AGO3: variants seen among roughly 807,000 people sequenced by gnomAD.
AGO3 encodes argonaute RISC catalytic component 3, also known as protein argonaute-3.
A neutral mutation model predicts 105.5 loss-of-function variants in AGO3; 16 were observed. The observed-to-expected ratio is 0.15, with a 90% CI of 0.10 to 0.23. AGO3 has a LOEUF of 0.23. Ranked by LOEUF, AGO3 falls within the 10% of genes least tolerant of loss-of-function variation. The probability of loss-of-function intolerance (pLI) is 1.00; values close to 1 mark genes in which losing one functional copy is unlikely to be tolerated. For synonymous variants in AGO3, 340 were observed against 367.3 expected (o/e 0.93, Z 0.85); for missense variants, 534 against 1,088.0 (o/e 0.49, Z 7.16).
At chr1:35,987,022 T>C (rs1039267615) in intron 5 of AGO3, among the ~76,000 whole-genome samples, 18 of 137,240 alleles carry the variant, frequency 1.3e-4, no homozygotes, top group African/African-American at 4.7e-4. Flanking sequence ...AAGAAAATGT[T>C]GGGGGTGAGT....
At chr1:35,977,250 A>T (rs970813827) in intron 5 of AGO3, among the ~76,000 whole-genome samples, 1 of 147,238 alleles carries the variant, frequency 6.8e-6, no homozygotes, top group Non-Finnish European at 1.5e-5. Flanking sequence ...ACCCATAAAA[A>T]TTTTTTTTTA....
At chr1:35,980,729 A>C (rs1239315949) in intron 5 of AGO3, among the ~76,000 whole-genome samples, 2 of 152,104 alleles carry the variant, frequency 1.3e-5, no homozygotes, top group African/African-American at 2.4e-5. Context: ...TTTTTCTTAG[A>C]AGGAGTGTGC....
chr1:36,004,771 A>G (rs1380599516), intron 6 of AGO3, among the ~76,000 whole-genome samples: 8 of 152,152 alleles, frequency 5.3e-5, no homozygotes, highest in Admixed American at 1.3e-4. Context: ...TAATACTGTT[A>G]AAAGTAGGAA....
chr1:36,038,252 C>CTTTTTTT (rs781058020), intron 14 of AGO3, among the ~76,000 whole-genome samples: 2 of 112,654 alleles, frequency 1.8e-5, no homozygotes, highest in Non-Finnish European at 1.7e-5. Flanking sequence ...TGGATTTATT[C>CTTTTTTT]TTTTTTTTTT....
At chr1:35,961,007 G>A (rs1336223856) in intron 2 of AGO3, among the ~76,000 whole-genome samples, 5 of 149,702 alleles carry the variant, frequency 3.3e-5, no homozygotes, top group African/African-American at 9.8e-5. Flanking sequence ...GCAGTGGTGC[G>A]ATCTTGGCTC....
chr1:35,954,611 TCTC>T (rs936768156), intron 2 of AGO3, among the ~76,000 whole-genome samples: 3 of 152,250 alleles, frequency 2.0e-5, no homozygotes, highest in African/African-American at 7.2e-5. Flanking sequence ...TTTTGAATCT[TCTC>T]TATGTTTTCA....
At chr1:35,995,642 C>G (rs1648257930) in intron 5 of AGO3, among the ~76,000 whole-genome samples, 1 of 152,104 alleles carries the variant, frequency 6.6e-6, no homozygotes, top group Non-Finnish European at 1.5e-5. Flanking sequence ...ATTTCCAAGA[C>G]AAAATGGGGA....
chr1:35,990,469 C>A (rs535602729), intron 5 of AGO3, among the ~76,000 whole-genome samples: 13 of 152,296 alleles, frequency 8.5e-5, no homozygotes, highest in African/African-American at 2.4e-4. Flanking sequence ...GATTGCACCA[C>A]TGCATTCCAG....
intron 11 of AGO3, among the ~76,000 whole-genome samples, chr1:36,016,583 A>G (rs1640913686): frequency 6.6e-6 from 1 of 151,842 alleles, no homozygotes. Context: ...ATCCCCTTTG[A>G]TCTATCCCCC....
chr1:35,980,763 G>A (rs1647037955), intron 5 of AGO3, among the ~76,000 whole-genome samples: 1 of 152,112 alleles, frequency 6.6e-6, no homozygotes, highest in East Asian at 1.9e-4. Context: ...ATTGCTGAAA[G>A]TATTTCTTCC....
rs770178125 is a variant in AGO3 at position 36,068,724 on chromosome 1, CTTAAT to C, written c.*12983_*12987del. ...ATTAATACTTAACCTGTTCATTTCT[CTTAAT>C]TTATGTATTTATTCTGACTTTATTA... On this transcript the variant is annotated 3_prime_UTR_variant, in exon 19 of 19. Transcript: ENST00000373191. 3 of 152,124 alleles carry C rather than the reference CTTAAT, an allele frequency of 2.0e-5. No individual in the cohort carries two copies. Among genetic ancestry groups the C allele is most frequent in the Non-Finnish European group, 2.9e-5 (2 of 68,012 alleles). 9.4% of individuals were successfully genotyped at this position (152,124 alleles called of 1,614,324 possible). A position where few individuals can be genotyped will look rare whatever the true frequency, so the allele number is the denominator to read the frequency against.
chr1:35,931,600 C>G (rs551002943), intron 1 of AGO3, among the ~76,000 whole-genome samples, 155 bp downstream of exon 1: 6 of 152,244 alleles, frequency 3.9e-5, no homozygotes, highest in Admixed American at 2.0e-4. Flanking sequence ...GCGACCTCCC[C>G]GCAGCCCAGC....
intron 3 of AGO3, among the ~76,000 whole-genome samples, chr1:35,971,559 C>G (rs1646871611): frequency 6.6e-6 from 1 of 151,134 alleles, no homozygotes; most frequent in Non-Finnish European, 1.5e-5. Context: ...CTTATTTTTT[C>G]CAGTCCATTC....
chr1:36,055,997 T>G lies in AGO3; in HGVS notation c.*252T>G, dbSNP rs1433889414. 1.9e-5 allele frequency: 6 copies of G among 317,136 alleles called. No individual in the cohort carries two copies. The highest frequency in any genetic ancestry group is 1.3e-4 in the African/African-American group (6 of 46,826). The allele number at this position is 317,136 out of a possible 1,614,324, so 19.6% of individuals were successfully genotyped here. A position where few individuals can be genotyped will look rare whatever the true frequency, so the allele number is the denominator to read the frequency against. ...TCTCCTATAGGAAGTATCGCAATTGTTTTGTTTTCATTTCTTGTAGTCTAA... is the reference window on the plus strand; with the variant it reads ...TCTCCTATAGGAAGTATCGCAATTGGTTTGTTTTCATTTCTTGTAGTCTAA... On this transcript the variant is annotated 3_prime_UTR_variant, in exon 19 of 19. Coordinates refer to ENST00000373191, the MANE Select transcript of AGO3 (RefSeq NM_024852.4). This position sits in a 1 kb window ranked among gnomAD's most constrained non-coding sequence, Gnocchi z 4.4.
intron 14 of AGO3, among the ~76,000 whole-genome samples, chr1:36,038,056 A>G (rs1026776599): frequency 1.3e-5 from 2 of 152,116 alleles, no homozygotes; most frequent in African/African-American, 4.8e-5. Context: ...AGTGTGAGAA[A>G]CTAAGTAAGT....
intron 6 of AGO3, among the ~76,000 whole-genome samples, chr1:36,007,276 G>A (rs748587183): frequency 3.9e-5 from 6 of 152,142 alleles, no homozygotes; most frequent in Non-Finnish European, 5.9e-5. Context: ...CCCCATTTTG[G>A]ACTTTATCCC....
At position 36,008,670 on chromosome 1, in the gene AGO3, A is replaced by T; in HGVS notation, c.794-20A>T. ...TACATGTGACAGTTCTGTAACCTCCATTTTTCTTGTTGGGAACAGGTTTGA... is the reference window on the plus strand; with the variant it reads ...TACATGTGACAGTTCTGTAACCTCCTTTTTTCTTGTTGGGAACAGGTTTGA... On this transcript the variant is annotated intron_variant, in intron 6 of 18. Transcript: ENST00000373191. This position sits in a 1 kb window ranked among gnomAD's most constrained non-coding sequence, Gnocchi z 5.1. 1 of 1,612,060 alleles carries T rather than the reference A, an allele frequency of 6.2e-7. No individual in the cohort carries two copies. The highest frequency in any genetic ancestry group is 8.5e-7 in the Non-Finnish European group (1 of 1,178,426).
Position 35,942,008 on chromosome 1 carries a change from A to G in AGO3, c.20-3684A>G, listed in dbSNP as rs185596995. ...TTTCATTTTTTAGATCAGGAAACAA[A>G]TTCAGGGACAGTATTTGGTGACAGT... is the stretch of plus-strand genomic sequence containing the variant. On this transcript the variant is annotated intron_variant, in intron 1 of 18. Coordinates refer to ENST00000373191, the MANE Select transcript of AGO3 (RefSeq NM_024852.4). 2.7e-3 allele frequency among the ~76,000 whole-genome samples: 415 copies of G among 152,340 alleles called. 1 individual carries two copies. Among genetic ancestry groups the G allele is most frequent in the African/African-American group, 9.0e-3 (375 of 41,574 alleles).
At chr1:35,980,582 C>G (rs1317809746) in intron 5 of AGO3, among the ~76,000 whole-genome samples, 1 of 152,142 alleles carries the variant, frequency 6.6e-6, no homozygotes, top group Admixed American at 6.5e-5. Context: ...TTATCTGTAG[C>G]CTTATTCCTG....
Sources: allele counts gnomAD v4.1 joint callset (sites outside exome capture counted in the v4.1 genomes callset), GRCh38; gene constraint gnomAD v4.1.1; non-coding constraint Gnocchi (gnomAD v3.1); transcripts MANE v1.5; gene names NCBI Gene and HGNC (gene_info 2026-07-23, HGNC 2026-07-21).